The following INSYN2A variants were observed in gnomAD, a reference collection of about 807,000 sequenced individuals.
INSYN2A encodes family with sequence similarity 196 member A.
In INSYN2A, 17 loss-of-function variants were observed where a neutral mutation model predicts 39.4. That is an observed-to-expected ratio of 0.43 (90% CI 0.30 to 0.65). The LOEUF is 0.65. Ranked by LOEUF, INSYN2A falls within the 30% of genes least tolerant of loss-of-function variation. The probability of loss-of-function intolerance (pLI) is 0.14; values close to 1 mark genes in which losing one functional copy is unlikely to be tolerated. For missense variants in INSYN2A, 595 were observed against 631.2 expected, an observed-to-expected ratio of 0.94 and a Z score of 0.61; for synonymous variants, 255 against 265.7, an observed-to-expected ratio of 0.96 and a Z score of 0.39.
At chr10:127,174,174 C>G (rs2054846092) in intron 4 of INSYN2A, among the ~76,000 whole-genome samples, 1 of 152,236 alleles carries the variant, frequency 6.6e-6, no homozygotes, top group South Asian at 2.1e-4. Flanking sequence ...AGGCTGGCTT[C>G]TAGCTTGCTA....
intron 1 of INSYN2A, 27 bp from the exon 2 acceptor site, chr10:127,192,757 G>A (rs948975444): frequency 1.3e-5 from 2 of 152,168 alleles, no homozygotes; most frequent in African/African-American, 4.8e-5. Flanking sequence ...ATCACACATG[G>A]TCCAAAGGTT....
At chr10:127,180,075 A>C (rs1156627200) in intron 2 of INSYN2A, among the ~76,000 whole-genome samples, 1 of 152,218 alleles carries the variant, frequency 6.6e-6, no homozygotes, top group East Asian at 1.9e-4. Flanking sequence ...CACATGCCCT[A>C]ACCCACTACC....
At chr10:127,171,809 T>C (rs1301418483) in intron 4 of INSYN2A, among the ~76,000 whole-genome samples, 1 of 152,208 alleles carries the variant, frequency 6.6e-6, no homozygotes, top group Non-Finnish European at 1.5e-5. Context: ...GTTCAAGCAA[T>C]TCTCCTGCCT....
rs117508330 is a variant in INSYN2A, at chr10:127,172,443, G to A, written c.1184+2769C>T. 9.8e-3 allele frequency among the ~76,000 whole-genome samples: 1,491 copies of A among 152,292 alleles called. 12 individuals are homozygous for A. Among genetic ancestry groups the A allele is most frequent in the Non-Finnish European group, 0.016 (1,104 of 68,030 alleles). On this transcript the variant is annotated intron_variant, in intron 4 of 5. Coordinates refer to ENST00000522781, the MANE Select transcript of INSYN2A (RefSeq NM_001039762.3). ...GTGCTGTACCCAGGGTCTGGGAAGG[G>A]ATGGAGAATGAGCTTGCATCTTATC...
chr10:127,189,585 G>C (rs1283178157), intron 2 of INSYN2A, among the ~76,000 whole-genome samples: 1 of 152,222 alleles, frequency 6.6e-6, no homozygotes, highest in East Asian at 1.9e-4. Flanking sequence ...GGATATGAAT[G>C]ACTTCAGTGA....
chr10:127,167,080 A>G (rs967333750), intron 4 of INSYN2A, among the ~76,000 whole-genome samples: 1 of 152,120 alleles, frequency 6.6e-6, no homozygotes, highest in African/African-American at 2.4e-5. Flanking sequence ...TTTATTTTTC[A>G]TATTAGAGAT....
chr10:127,156,240 A>G (rs1252515533), intron 4 of INSYN2A, among the ~76,000 whole-genome samples: 5 of 152,090 alleles, frequency 3.3e-5, no homozygotes, highest in Non-Finnish European at 7.3e-5. Flanking sequence ...GAGCCTTCTA[A>G]TTATGCTAGC....
rs2057111085 is a variant in INSYN2A, at chr10:127,195,991, G to C, written c.-395+6C>G. On this transcript the variant is annotated splice_donor_region_variant and intron_variant, in intron 1 of 5. Coordinates refer to ENST00000522781, the MANE Select transcript of INSYN2A (RefSeq NM_001039762.3). Reference sequence around the variant, plus strand: ...GCGGGAGGAGGGCACGCGGGGCTCCGCTTACCTTCCGCTGCTTACAGATAA... The same window carrying C: ...GCGGGAGGAGGGCACGCGGGGCTCCCCTTACCTTCCGCTGCTTACAGATAA... 6.6e-6 allele frequency: 1 copy of C among 152,088 alleles called. No individual in the cohort carries two copies. 9.4% of individuals were successfully genotyped at this position (152,088 alleles called of 1,614,324 possible). A position where few individuals can be genotyped will look rare whatever the true frequency, so the allele number is the denominator to read the frequency against.
At position 127,143,696 on chromosome 10, in the gene INSYN2A, A is replaced by G. The variant is rs10829481; in HGVS notation, c.1257-5676T>C. Among the ~76,000 whole-genome samples, 1,004 of 152,256 alleles carry G rather than the reference A, an allele frequency of 6.6e-3. 4 individuals carry two copies. Among genetic ancestry groups the G allele is most frequent in the Admixed American group, 0.012 (177 of 15,296 alleles). On this transcript the variant is annotated intron_variant, in intron 5 of 5. Transcript: ENST00000522781. ...GCAACACCAGCATTGTCCAGAGGAA[A>G]CTAAAAGTTGGGATCTGGATCCCAG...
chr10:127,137,554 G>T lies in INSYN2A; in HGVS notation c.*283C>A. ...AATGTATTACTTGCAGATCGGGGGT[G>T]GGGGAAAATTTTTACTTATCATCTT... is the stretch of plus-strand genomic sequence containing the variant. On this transcript the variant is annotated 3_prime_UTR_variant, in exon 6 of 6. Transcript: ENST00000522781. 3.1e-6 allele frequency: 1 copy of T among 324,752 alleles called. No homozygotes were observed. Among genetic ancestry groups the T allele is most frequent in the Non-Finnish European group, 5.6e-6 (1 of 178,348 alleles). 20.1% of individuals were successfully genotyped at this position (324,752 alleles called of 1,614,324 possible). A position where few individuals can be genotyped will look rare whatever the true frequency, so the allele number is the denominator to read the frequency against.
At chr10:127,149,593 T>C (rs1158886801) in intron 5 of INSYN2A, among the ~76,000 whole-genome samples, 2 of 152,300 alleles carry the variant, frequency 1.3e-5, no homozygotes, top group East Asian at 3.9e-4. Flanking sequence ...TGGATAGCTA[T>C]GCTGCTCGGA....
At chr10:127,170,152 G>A (rs1170622177) in intron 4 of INSYN2A, among the ~76,000 whole-genome samples, 1 of 152,080 alleles carries the variant, frequency 6.6e-6, no homozygotes, top group Non-Finnish European at 1.5e-5. Context: ...GGTGATAAAT[G>A]ACTGGGTTTG....
Position 127,141,628 on chromosome 10 carries a change from G to A in INSYN2A, c.1257-3608C>T, listed in dbSNP as rs2051256421. Among the ~76,000 whole-genome samples, 2 of 151,814 alleles carry A rather than the reference G, an allele frequency of 1.3e-5. 1 individual carries two copies. The highest frequency in any genetic ancestry group is 2.9e-5 in the Non-Finnish European group (2 of 67,998). On this transcript the variant is annotated intron_variant, in intron 5 of 5. Transcript: ENST00000522781. ...GGAGGTTGCAGTGAGTTGAGATCGT[G>A]CCACTGCACTCCACCCTGGGTGACA... is the stretch of plus-strand genomic sequence containing the variant.
intron 5 of INSYN2A, among the ~76,000 whole-genome samples, chr10:127,146,832 G>A (rs1370522459): frequency 6.6e-6 from 1 of 152,182 alleles, no homozygotes. Context: ...GCTGGAATTG[G>A]CACGGATTCT....
rs2050714160 is a variant in INSYN2A, at chr10:127,136,523, GA to G, written c.*1313del. The G allele has an allele frequency of 6.7e-6, 1 of 149,670 alleles. No homozygotes were observed. Among genetic ancestry groups the G allele is most frequent in the Non-Finnish European group, 1.5e-5 (1 of 67,528 alleles). 9.3% of individuals were successfully genotyped at this position (149,670 alleles called of 1,614,324 possible). A position where few individuals can be genotyped will look rare whatever the true frequency, so the allele number is the denominator to read the frequency against. Reference sequence around the variant, plus strand: ...AAGTAAGATCCCTACTTCCTATTGTGAAAATCAAAAAATTGATAGACAAAGT... The same window carrying G: ...AAGTAAGATCCCTACTTCCTATTGTGAAATCAAAAAATTGATAGACAAAGT... On this transcript the variant is annotated 3_prime_UTR_variant, in exon 6 of 6. Coordinates refer to ENST00000522781, the MANE Select transcript of INSYN2A (RefSeq NM_001039762.3).
intron 4 of INSYN2A, among the ~76,000 whole-genome samples, chr10:127,159,305 T>C (rs930258361): frequency 2.6e-5 from 4 of 152,146 alleles, no homozygotes; most frequent in African/African-American, 9.7e-5. Context: ...GGAGCTCTAG[T>C]CAGGGCTACC....
At chr10:127,171,798 G>A (rs1229026559) in intron 4 of INSYN2A, among the ~76,000 whole-genome samples, 3 of 152,128 alleles carry the variant, frequency 2.0e-5, no homozygotes, top group African/African-American at 4.8e-5. Context: ...CCACCTCCCG[G>A]GTTCAAGCAA....
At chr10:127,195,768 C>G (rs979782793) in intron 1 of INSYN2A, among the ~76,000 whole-genome samples, 1 of 152,166 alleles carries the variant, frequency 6.6e-6, no homozygotes, top group Middle Eastern at 3.2e-3. Flanking sequence ...CCCGGTCGCG[C>G]CAGATGCAGT....
chr10:127,187,511 C>G lies in INSYN2A; in HGVS notation c.-269+5094G>C, dbSNP rs550667761. On this transcript the variant is annotated intron_variant, in intron 2 of 5. Transcript: ENST00000522781. ...AGCATAGGTGTGGATGAAATGGAGT[C>G]TTTTAAAAGTTGTTTTGGTTTTTGT... 2.0e-4 allele frequency among the ~76,000 whole-genome samples: 30 copies of G among 152,242 alleles called. No individual in the cohort carries two copies. The South Asian group carries it at 3.5e-3, about 18-fold the overall frequency.
Sources: gnomAD v4.1 joint callset for allele counts (sites outside exome capture counted in the v4.1 genomes callset) on GRCh38, gnomAD v4.1.1 for gene constraint, MANE v1.5 for transcripts, NCBI Gene and HGNC (gene_info 2026-07-23, HGNC 2026-07-21) for gene names.